Variants in ZC3H12B observed in about 807,000 individuals in gnomAD.
ZC3H12B encodes the protein zinc finger CCCH-type containing 12B, also known as probable ribonuclease ZC3H12B.
A neutral mutation model predicts 43.9 loss-of-function variants in ZC3H12B; 7 were observed. The observed-to-expected ratio is 0.16, with a 90% CI of 0.09 to 0.30. The LOEUF is 0.30. Ranked by LOEUF, ZC3H12B falls within the 10% of genes least tolerant of loss-of-function variation. The pLI is 1.00. For missense variants in ZC3H12B, 475 were observed against 670.2 expected, an observed-to-expected ratio of 0.71 and a Z score of 3.22; for synonymous variants, 222 against 241.7, an observed-to-expected ratio of 0.92 and a Z score of 0.76.
At chrX:65,155,330 G>A in the ZC3H12B span, among the ~76,000 whole-genome samples, 2 of 109,846 alleles carry the variant, frequency 1.8e-5, no homozygotes, top group Non-Finnish European at 3.8e-5. Flanking sequence ...ATCTCTTAGA[G>A]CGATCACATA....
At chrX:65,300,559 G>A in the ZC3H12B span, among the ~76,000 whole-genome samples, 1 of 111,377 alleles carries the variant, frequency 9.0e-6, no homozygotes, top group African/African-American at 3.3e-5. Flanking sequence ...CCCCCACCTG[G>A]TGGTCTTTCT....
chrX:65,161,052 T>C, the ZC3H12B span, among the ~76,000 whole-genome samples: 3 of 111,269 alleles, frequency 2.7e-5, no homozygotes, highest in Non-Finnish European at 5.6e-5. Context: ...TTGTTCAGTT[T>C]CCATGTAGTT....
At chrX:65,123,203 G>A in the ZC3H12B span, among the ~76,000 whole-genome samples, 2 of 111,642 alleles carry the variant, frequency 1.8e-5, no homozygotes, top group South Asian at 3.7e-4. Context: ...TTTTGTCTTG[G>A]TTCTGTTTAT....
chrX:65,153,030 A>G, the ZC3H12B span, among the ~76,000 whole-genome samples: 7 of 112,130 alleles, frequency 6.2e-5, no homozygotes, highest in African/African-American at 2.3e-4. Context: ...GGCTAGCCAT[A>G]TGTAGAAAGC....
chrX:65,347,673 T>C, the ZC3H12B span, among the ~76,000 whole-genome samples: 1 of 112,498 alleles, frequency 8.9e-6, no homozygotes, highest in East Asian at 2.8e-4. Context: ...TGGAAGTCAG[T>C]GTGGCGATTC....
the ZC3H12B span, among the ~76,000 whole-genome samples, chrX:65,344,905 G>A: frequency 8.9e-6 from 1 of 112,142 alleles, no homozygotes; most frequent in African/African-American, 3.2e-5. Context: ...GACATGAACA[G>A]ACACTTTTTA....
chrX:65,121,734 G>C, the ZC3H12B span, among the ~76,000 whole-genome samples: 1 of 111,022 alleles, frequency 9.0e-6, no homozygotes, highest in African/African-American at 3.3e-5. Flanking sequence ...TCTTTTAATT[G>C]TGATGTTAAG....
chrX:65,267,759 T>C, the ZC3H12B span, among the ~76,000 whole-genome samples: 7 of 111,724 alleles, frequency 6.3e-5, no homozygotes, highest in Admixed American at 4.8e-4. Context: ...TCAAAATCTA[T>C]GTGATTCAAG....
At chrX:65,264,676 G>GA in the ZC3H12B span, among the ~76,000 whole-genome samples, 1 of 111,550 alleles carries the variant, frequency 9.0e-6, no homozygotes, top group Non-Finnish European at 1.9e-5. Flanking sequence ...TTTTACAGAT[G>GA]AAAAAACTGA....
intron 3 of ZC3H12B, among the ~76,000 whole-genome samples, chrX:65,430,598 G>GT (rs1253764634): frequency 9.7e-6 from 1 of 102,825 alleles, no homozygotes; most frequent in East Asian, 3.1e-4. Flanking sequence ...GCGGTGTTTG[G>GT]TTTTTTGTCC....
At chrX:65,278,444 A>T in the ZC3H12B span, among the ~76,000 whole-genome samples, 1 of 111,737 alleles carries the variant, frequency 8.9e-6, no homozygotes, top group Non-Finnish European at 1.9e-5. Flanking sequence ...TCAAGAAATA[A>T]TAATAAGTAT....
the ZC3H12B span, among the ~76,000 whole-genome samples, chrX:65,060,147 T>A: frequency 8.9e-6 from 1 of 112,441 alleles, no homozygotes; most frequent in Non-Finnish European, 1.9e-5. Context: ...TAAGATCATA[T>A]CATCTGCAAA....
At chrX:65,265,708 G>A in the ZC3H12B span, among the ~76,000 whole-genome samples, 1 of 111,847 alleles carries the variant, frequency 8.9e-6, no homozygotes, top group African/African-American at 3.2e-5. Context: ...CACATCATTT[G>A]TTGTGGTTGT....
the ZC3H12B span, among the ~76,000 whole-genome samples, chrX:65,249,796 ATTTTTTT>A: frequency 1.6e-4 from 8 of 48,940 alleles, no homozygotes; most frequent in Admixed American, 2.5e-4. Context: ...ATTCCTAAGT[ATTTTTTT>A]TTTTTTTTTT....
upstream of ZC3H12B, among the ~76,000 whole-genome samples, chrX:65,487,397 G>T (rs898756262): frequency 4.5e-5 from 5 of 111,508 alleles, no homozygotes; most frequent in Admixed American, 4.7e-4. Context: ...AGAATTAGCC[G>T]GGCATGGTGA....
At chrX:65,389,294 C>T (rs903520082) in intron 2 of ZC3H12B, among the ~76,000 whole-genome samples, 1 of 112,297 alleles carries the variant, frequency 8.9e-6, no homozygotes, top group East Asian at 2.8e-4. Flanking sequence ...CCAGTTCGCG[C>T]TTCCCAGCTG....
chrX:65,413,053 A>T, intron 3 of ZC3H12B, among the ~76,000 whole-genome samples: 1 of 110,688 alleles, frequency 9.0e-6, no homozygotes. Flanking sequence ...AATGATGTTG[A>T]GCATCTTTTC....
the ZC3H12B span, among the ~76,000 whole-genome samples, chrX:65,282,747 C>T: frequency 9.0e-6 from 1 of 111,424 alleles, no homozygotes; most frequent in African/African-American, 3.3e-5. Context: ...TTCTGGGACA[C>T]CTACACCCTC....
At chrX:65,191,902 A>G in the ZC3H12B span, among the ~76,000 whole-genome samples, 16 of 101,916 alleles carry the variant, frequency 1.6e-4, no homozygotes, top group Non-Finnish European at 3.2e-4. Flanking sequence ...TAGGGTGTCA[A>G]TTTTGGATCT....
Sources: allele counts gnomAD v4.1 joint callset (sites outside exome capture counted in the v4.1 genomes callset), GRCh38; gene constraint gnomAD v4.1.1; transcripts MANE v1.5; gene names NCBI Gene and HGNC (gene_info 2026-07-23, HGNC 2026-07-21).